Variants in ASCC3 observed in about 807,000 individuals in gnomAD.
ASCC3 encodes the protein activating signal cointegrator 1 complex subunit 3, also known as ASC-1 complex subunit P200.
ASCC3 carries 158 observed loss-of-function variants against 256.3 expected under a neutral mutation model. The ratio of observed to expected loss-of-function variants is 0.62; its 90% CI spans 0.54 to 0.70. The LOEUF (loss-of-function observed/expected upper bound fraction) is 0.70. Ranked by LOEUF, ASCC3 falls within the 30% of genes least tolerant of loss-of-function variation. The pLI, the probability that ASCC3 is intolerant of heterozygous loss-of-function variation, is 0.00. For missense variants in ASCC3, 2,259 were observed against 2,626.0 expected (o/e 0.86, Z 3.05); for synonymous variants, 948 against 883.4 (o/e 1.07, Z -1.30).
intron 8 of ASCC3, among the ~76,000 whole-genome samples, chr6:100,775,444 C>T (rs1389150342): frequency 6.6e-6 from 1 of 151,918 alleles, no homozygotes; most frequent in African/African-American, 2.4e-5. Context: ...CCAAGTCTAC[C>T]CTGCTAATAA....
At chr6:100,732,201 C>T (rs893145893) in intron 10 of ASCC3, among the ~76,000 whole-genome samples, 4 of 150,408 alleles carry the variant, frequency 2.7e-5, no homozygotes, top group Admixed American at 1.3e-4. Flanking sequence ...AGATGTATTG[C>T]AATACCACAC....
At chr6:100,778,132 T>G (rs1297456926) in intron 8 of ASCC3, among the ~76,000 whole-genome samples, 2 of 149,314 alleles carry the variant, frequency 1.3e-5, no homozygotes, top group Non-Finnish European at 3.0e-5. Flanking sequence ...AAATCAAAGA[T>G]GACGTTTTTC....
At chr6:100,792,903 A>C (rs1057264838) in intron 8 of ASCC3, among the ~76,000 whole-genome samples, 6 of 152,002 alleles carry the variant, frequency 3.9e-5, no homozygotes, top group African/African-American at 1.4e-4. Flanking sequence ...AAACCAGATA[A>C]GAAAATAAAA....
At chr6:100,585,611 C>T (rs1017433500) in intron 36 of ASCC3, among the ~76,000 whole-genome samples, 19 of 152,174 alleles carry the variant, frequency 1.2e-4, no homozygotes, top group Non-Finnish European at 2.4e-4. Flanking sequence ...AGCTTTGTTC[C>T]GTTGCTGGTG....
At chr6:100,680,584 T>C (rs1408528179) in intron 13 of ASCC3, among the ~76,000 whole-genome samples, 3 of 152,204 alleles carry the variant, frequency 2.0e-5, no homozygotes, top group Non-Finnish European at 4.4e-5. Context: ...TTTTTCAATT[T>C]TATCTGGTGT....
intron 36 of ASCC3, among the ~76,000 whole-genome samples, chr6:100,583,870 G>T (rs546258337): frequency 4.2e-4 from 64 of 152,282 alleles, no homozygotes; most frequent in Admixed American, 9.2e-4. Context: ...GGAGCAGGTT[G>T]TTCAGTTTCC....
rs1252224529 is a variant in ASCC3 at position 100,508,866 on chromosome 6, G to C, written c.*520C>G. Reference sequence around the variant, plus strand: ...ACATCATATATTATTAAACATTTATGACTACAAGAAATTCTTGAAGCTACT... The same window carrying C: ...ACATCATATATTATTAAACATTTATCACTACAAGAAATTCTTGAAGCTACT... On this transcript the variant is annotated 3_prime_UTR_variant, in exon 42 of 42. Transcript: ENST00000369162. 1 of 156,300 alleles carries C rather than the reference G, an allele frequency of 6.4e-6. No homozygotes were observed. Among genetic ancestry groups the C allele is most frequent in the Non-Finnish European group, 1.4e-5 (1 of 70,732 alleles). 9.7% of individuals were successfully genotyped at this position (156,300 alleles called of 1,614,324 possible). A position where few individuals can be genotyped will look rare whatever the true frequency, so the allele number is the denominator to read the frequency against.
chr6:100,588,077 G>A (rs1771797800), intron 36 of ASCC3, among the ~76,000 whole-genome samples: 1 of 152,084 alleles, frequency 6.6e-6, no homozygotes, highest in African/African-American at 2.4e-5. Context: ...TAGTAGGATG[G>A]TTTCAGGGCC....
intron 3 of ASCC3, 27 bp downstream of exon 3, chr6:100,864,032 TAAAAA>T: frequency 8.4e-7 from 1 of 1,194,420 alleles, no homozygotes; most frequent in East Asian, 2.7e-5. Context: ...TGGTTCTCTT[TAAAAA>T]AAAAAAAGAA....
chr6:100,832,244 C>T (rs1051570372), intron 4 of ASCC3, among the ~76,000 whole-genome samples: 22 of 152,146 alleles, frequency 1.4e-4, no homozygotes, highest in Admixed American at 1.2e-3. Flanking sequence ...AAAAAGACTG[C>T]AAGTCTTTCA....
intron 10 of ASCC3, among the ~76,000 whole-genome samples, chr6:100,765,284 C>T (rs1781599876): frequency 6.6e-6 from 1 of 152,154 alleles, no homozygotes; most frequent in South Asian, 2.1e-4. Flanking sequence ...CTTACAAAGG[C>T]ATTCCAAAGA....
At chr6:100,652,952 T>A in intron 17 of ASCC3, 63 bp from the exon 18 acceptor site, 1 of 1,460,580 alleles carries the variant, frequency 6.8e-7, no homozygotes, top group South Asian at 1.2e-5. Flanking sequence ...TGCAAACATA[T>A]ATTTATTTAT....
intron 5 of ASCC3, among the ~76,000 whole-genome samples, chr6:100,804,668 C>T (rs1254358019): frequency 6.6e-6 from 1 of 152,124 alleles, no homozygotes; most frequent in Non-Finnish European, 1.5e-5. Context: ...CATCACTAAT[C>T]ATCAGAGAAA....
intron 10 of ASCC3, among the ~76,000 whole-genome samples, chr6:100,730,660 C>T (rs536881421): frequency 6.6e-6 from 1 of 152,298 alleles, no homozygotes; most frequent in Admixed American, 6.5e-5. Flanking sequence ...ACATGGTTTA[C>T]ATTCCATAAA....
chr6:100,780,816 AG>A (rs1782408047), intron 8 of ASCC3, among the ~76,000 whole-genome samples: 1 of 152,156 alleles, frequency 6.6e-6, no homozygotes, highest in African/African-American at 2.4e-5. Context: ...TTCCAACCCA[AG>A]GTATAAAACA....
At chr6:100,863,355 A>C (rs1562353226) in intron 3 of ASCC3, among the ~76,000 whole-genome samples, 1 of 152,204 alleles carries the variant, frequency 6.6e-6, no homozygotes, top group Non-Finnish European at 1.5e-5. Flanking sequence ...TGAAGCAGTC[A>C]AAGTCTAGTT....
chr6:100,508,498 G>A lies in ASCC3; in HGVS notation c.*888C>T, dbSNP rs1406990944. 6.6e-6 allele frequency: 1 copy of A among 152,000 alleles called. No homozygotes were observed. Among genetic ancestry groups the A allele is most frequent in the Non-Finnish European group, 1.5e-5 (1 of 67,956 alleles). The allele number at this position is 152,000 out of a possible 1,614,324, so 9.4% of individuals were successfully genotyped here. A position where few individuals can be genotyped will look rare whatever the true frequency, so the allele number is the denominator to read the frequency against. ...ATTACAGGTGAAAACCTATCCATAG[G>A]GGTGAAAAATTTTCTGTCTCAGATT... is the stretch of plus-strand genomic sequence containing the variant. On this transcript the variant is annotated 3_prime_UTR_variant, in exon 42 of 42. Coordinates refer to ENST00000369162, the MANE Select transcript of ASCC3 (RefSeq NM_006828.4).
At chr6:100,683,385 G>A (rs936324392) in intron 13 of ASCC3, among the ~76,000 whole-genome samples, 1 of 151,988 alleles carries the variant, frequency 6.6e-6, no homozygotes, top group African/African-American at 2.4e-5. Flanking sequence ...ATTTTCTACT[G>A]CAGCCAAGAG....
At chr6:100,787,185 T>C (rs1769122207) in intron 8 of ASCC3, among the ~76,000 whole-genome samples, 1 of 152,106 alleles carries the variant, frequency 6.6e-6, no homozygotes, top group Non-Finnish European at 1.5e-5. Flanking sequence ...TTATGTTATA[T>C]ATGACTCCAT....
Sources: allele counts gnomAD v4.1 joint callset (sites outside exome capture counted in the v4.1 genomes callset), GRCh38; gene constraint gnomAD v4.1.1; transcripts MANE v1.5; gene names NCBI Gene and HGNC (gene_info 2026-07-23, HGNC 2026-07-21).